The following ASB2 variants were observed in gnomAD, a reference collection of about 807,000 sequenced individuals.
ASB2 encodes ankyrin repeat and SOCS box protein 2.
ASB2 carries 58 observed loss-of-function variants against 62.4 expected under a neutral mutation model. That is an observed-to-expected ratio of 0.93 (90% confidence interval 0.75 to 1.16). The LOEUF is 1.16. Among genes scored for constraint, ASB2 ranks in the 50% most tolerant of loss-of-function variants. The pLI is 0.00. For missense variants in ASB2, 928 were observed against 887.9 expected (o/e 1.05, Z -0.57); for synonymous variants, 386 against 385.3 (o/e 1.00, Z -0.02).
rs533258329 is a variant in ASB2 at position 93,969,509 on chromosome 14, T to G, written c.-73-4897A>C. ...CCCTCTTTGGACCTCAGTTTCCCCT[T>G]GTCATGAAGATGCTGCCCAGCTTGA... On this transcript the variant is annotated intron_variant, in intron 1 of 9. Coordinates refer to ENST00000555019, the MANE Select transcript of ASB2 (RefSeq NM_001202429.2). Among the ~76,000 whole-genome samples, 46 of 152,300 alleles carry G rather than the reference T, an allele frequency of 3.0e-4. 1 individual carries two copies. The South Asian group carries it at 9.1e-3, about 30-fold the overall frequency.
Position 93,939,371 on chromosome 14 carries a change from C to G in ASB2, c.1354G>C (p.Gly452Arg), listed in dbSNP as rs1270437248. ...AGCAGCTGCATTGTGCGCAGGCAGC[C>G]GTGGCGGATGGCCACGAGCAAGGGG... ...ISPLLVAIRH[G>R]CLRTMQLLLD... Residue 452 changes from glycine (G) to arginine (R), a missense_variant, in exon 8 of 10, where the codon GGC (glycine) becomes CGC (arginine). Transcript: ENST00000555019. The G allele has an allele frequency of 7.4e-6, 12 of 1,612,636 alleles. No homozygotes were observed. Among genetic ancestry groups the G allele is most frequent in the Non-Finnish European group, 1.0e-5 (12 of 1,179,788 alleles).
chr14:93,955,464 C>A, intron 3 of ASB2: 1 of 216,994 alleles, frequency 4.6e-6, no homozygotes, highest in Non-Finnish European at 9.6e-6. Context: ...ACCGTCACTG[C>A]CACCTTGACG....
chr14:93,936,626 T>C (rs1055983742), intron 9 of ASB2, among the ~76,000 whole-genome samples: 2 of 152,234 alleles, frequency 1.3e-5, no homozygotes, highest in African/African-American at 4.8e-5. Flanking sequence ...CAGGCACCTG[T>C]GCCAATGAAA....
intron 1 of ASB2, among the ~76,000 whole-genome samples, chr14:93,964,967 A>G (rs1036795010): frequency 6.6e-6 from 1 of 151,682 alleles, no homozygotes; most frequent in African/African-American, 2.4e-5. Context: ...CTATCCATCC[A>G]TCTGTCTACT....
At position 93,953,332 on chromosome 14, in the gene ASB2, C is replaced by T; in HGVS notation, c.634+20G>A. 6.5e-7 allele frequency: 1 copy of T among 1,547,644 alleles called. No homozygotes were observed. Among genetic ancestry groups the T allele is most frequent in the Non-Finnish European group, 8.8e-7 (1 of 1,135,376 alleles). ...CTGGATTCTTCCGCAGGAAAGCTCA[C>T]TCCGGGGTGGGGACCTCACCTTTGT... On this transcript the variant is annotated intron_variant, in intron 5 of 9. Transcript: ENST00000555019.
Position 93,957,661 on chromosome 14 carries a change from G to A in ASB2, c.207-791C>T, listed in dbSNP as rs1022218962. Reference sequence around the variant, plus strand: ...AGCTTAGTGGAGTGTGAGGCACAGAGGGTGTTCCACATGTACTCACTCTTC... The same window carrying A: ...AGCTTAGTGGAGTGTGAGGCACAGAAGGTGTTCCACATGTACTCACTCTTC... On this transcript the variant is annotated intron_variant, in intron 2 of 9. Coordinates refer to ENST00000555019, the MANE Select transcript of ASB2 (RefSeq NM_001202429.2). Among the ~76,000 whole-genome samples, 5 of 152,174 alleles carry A rather than the reference G, an allele frequency of 3.3e-5. 1 individual carries two copies. Among genetic ancestry groups the A allele is most frequent in the Admixed American group, 2.6e-4 (4 of 15,286 alleles).
intron 2 of ASB2, among the ~76,000 whole-genome samples, chr14:93,962,038 T>C (rs887528363): frequency 1.3e-5 from 2 of 152,134 alleles, no homozygotes; most frequent in Non-Finnish European, 2.9e-5. Context: ...ATTAAGTGAA[T>C]TAATGTGTGG....
At chr14:93,958,217 C>T (rs776689193) in intron 2 of ASB2, among the ~76,000 whole-genome samples, 5 of 152,256 alleles carry the variant, frequency 3.3e-5, no homozygotes, top group African/African-American at 7.2e-5. Flanking sequence ...TCTACTGACC[C>T]GCACTGGGGT....
intron 6 of ASB2, among the ~76,000 whole-genome samples, chr14:93,950,520 A>G (rs971288528): frequency 2.0e-5 from 3 of 152,294 alleles, no homozygotes; most frequent in Admixed American, 6.5e-5. Flanking sequence ...CCTTGAGTTC[A>G]TCACCCATAA....
At chr14:93,964,286 G>A in intron 2 of ASB2, 48 bp downstream of exon 2, 1 of 1,480,848 alleles carries the variant, frequency 6.8e-7, no homozygotes, top group Non-Finnish European at 9.1e-7. Flanking sequence ...TACAGTCTGT[G>A]GATGTCCTGG....
intron 3 of ASB2, chr14:93,955,315 C>A: frequency 2.7e-6 from 1 of 368,096 alleles, no homozygotes; most frequent in South Asian, 2.0e-5. Flanking sequence ...CAGCCACTTC[C>A]TCCAGCGTGA....
rs796536655 is a variant in ASB2, at chr14:93,938,230, TG to T, written c.1618-380del. On this transcript the variant is annotated intron_variant, in intron 8 of 9. Coordinates refer to ENST00000555019, the MANE Select transcript of ASB2 (RefSeq NM_001202429.2). ...GTGTGTCTAACTTCCTTTTAAGTTC[TG>T]ACTTTTTTTTTTTTTTTTTTTTTTT... Among the ~76,000 whole-genome samples, 277 of 142,820 alleles carry T rather than the reference TG, an allele frequency of 1.9e-3. 1 individual carries two copies. Among genetic ancestry groups the T allele is most frequent in the African/African-American group, 6.9e-3 (264 of 38,322 alleles). The allele number at this position is 142,820 out of a possible 152,430, so 93.7% of individuals were successfully genotyped here.
At chr14:93,973,110 G>A (rs1423413957) in intron 1 of ASB2, among the ~76,000 whole-genome samples, 1 of 152,180 alleles carries the variant, frequency 6.6e-6, no homozygotes, top group African/African-American at 2.4e-5. Flanking sequence ...ACAAGACAGG[G>A]CTCTTCTCTT....
rs764828472 is a variant in ASB2 at position 93,951,219 on chromosome 14, G to A, written c.660C>T (p.Ala220=). The change falls in exon 6 of 10, where the codon GCC becomes GCT. Residue 220 remains alanine (A), a synonymous_variant. Coordinates refer to ENST00000555019, the MANE Select transcript of ASB2 (RefSeq NM_001202429.2). The stretch of plus-strand genomic sequence containing the variant: ...CATTGTGCTGCACCAGAATCTTCAC[G>A]GCCTCCGCGTTCTTGCGCTCGCAGG... ...YKACERKNAE[A]VKILVQHNAD... 2.4e-5 allele frequency: 38 copies of A among 1,606,800 alleles called. No individual in the cohort carries two copies. The African/African-American group carries it at 3.6e-4, about 15-fold the overall frequency.
At chr14:93,948,483 G>A (rs1888826521) in intron 6 of ASB2, among the ~76,000 whole-genome samples, 1 of 152,194 alleles carries the variant, frequency 6.6e-6, no homozygotes, top group Admixed American at 6.5e-5. Context: ...TATTGCTAAT[G>A]TTACCATGCT....
At chr14:93,971,950 A>C (rs1430406825) in intron 1 of ASB2, among the ~76,000 whole-genome samples, 1 of 150,572 alleles carries the variant, frequency 6.6e-6, no homozygotes, top group Non-Finnish European at 1.5e-5. Context: ...CATACACGCT[A>C]CATGTATTAT....
At chr14:93,973,369 T>C (rs1215333507) in intron 1 of ASB2, among the ~76,000 whole-genome samples, 1 of 152,064 alleles carries the variant, frequency 6.6e-6, no homozygotes, top group Non-Finnish European at 1.5e-5. Flanking sequence ...TTGATGTACA[T>C]TGAGGATGCC....
chr14:93,941,757 G>A (rs75590567), intron 7 of ASB2: 8,101 of 449,236 alleles, frequency 0.018, 101 homozygotes, highest in Non-Finnish European at 0.027. Context: ...GTCACAGCTG[G>A]TCTCCGGCAG....
intron 7 of ASB2, among the ~76,000 whole-genome samples, chr14:93,945,405 C>G (rs1888686400): frequency 1.3e-5 from 2 of 152,318 alleles, no homozygotes; most frequent in East Asian, 3.9e-4. Flanking sequence ...TGCACTCTCC[C>G]TAAGTAAGAG....
Sources: allele counts gnomAD v4.1 joint callset (sites outside exome capture counted in the v4.1 genomes callset), GRCh38; gene constraint gnomAD v4.1.1; transcripts MANE v1.5; gene names NCBI Gene and HGNC (gene_info 2026-07-23, HGNC 2026-07-21).